The following DGKB variants were observed in gnomAD, a reference collection of about 807,000 sequenced individuals.
DGKB encodes diacylglycerol kinase beta, also known as 90 kDa diacylglycerol kinase.
A neutral mutation model predicts 114.3 loss-of-function variants in DGKB; 67 were observed. That is an observed-to-expected ratio of 0.59 (90% confidence interval 0.48 to 0.72). DGKB has a LOEUF of 0.72. DGKB is among the 30% of genes least tolerant of loss of function. The pLI is 0.00. For synonymous variants in DGKB, 398 were observed against 323.1 expected, an observed-to-expected ratio of 1.23 and a Z score of -2.49; for missense variants, 907 against 975.2, an observed-to-expected ratio of 0.93 and a Z score of 0.93.
intron 2 of DGKB, among the ~76,000 whole-genome samples, chr7:14,769,128 A>AAG (rs1836953295): frequency 2.3e-5 from 2 of 87,280 alleles, no homozygotes; most frequent in Non-Finnish European, 4.0e-5. Context: ...AAAGAAAGAG[A>AAG]GAGAGAGAAA....
chr7:14,386,793 G>A (rs1009476962), intron 21 of DGKB, among the ~76,000 whole-genome samples: 11 of 152,032 alleles, frequency 7.2e-5, no homozygotes, highest in Admixed American at 2.0e-4. Flanking sequence ...TTCTGAGGGT[G>A]GGTGGCAGAA....
intron 25 of DGKB, among the ~76,000 whole-genome samples, chr7:14,170,022 T>C (rs1272788904): frequency 1.3e-5 from 2 of 150,874 alleles, no homozygotes; most frequent in African/African-American, 4.9e-5. Flanking sequence ...TAATCCCAGC[T>C]ACTTGGGAGG....
chr7:14,279,034 C>T (rs993571322), intron 23 of DGKB, among the ~76,000 whole-genome samples: 2 of 152,090 alleles, frequency 1.3e-5, no homozygotes, highest in South Asian at 2.1e-4. Context: ...GCACCGTGAG[C>T]GAGCCGAAGC....
chr7:14,599,898 G>C (rs972006478), intron 17 of DGKB, among the ~76,000 whole-genome samples: 4 of 152,086 alleles, frequency 2.6e-5, no homozygotes, highest in African/African-American at 9.7e-5. Flanking sequence ...AACAGTAAAT[G>C]GGAGGATATT....
At chr7:14,557,330 G>A (rs1458670507) in intron 20 of DGKB, among the ~76,000 whole-genome samples, 1 of 152,080 alleles carries the variant, frequency 6.6e-6, no homozygotes, top group Non-Finnish European at 1.5e-5. Context: ...TTCCATAGCT[G>A]TGGCTATGTC....
intron 20 of DGKB, among the ~76,000 whole-genome samples, chr7:14,572,051 GCAAA>G (rs1213597932): frequency 6.6e-6 from 1 of 152,096 alleles, no homozygotes; most frequent in Non-Finnish European, 1.5e-5. Flanking sequence ...GAAATAACAA[GCAAA>G]CAAACAAGGT....
chr7:14,863,971 T>C (rs1027383003), intron 1 of DGKB, among the ~76,000 whole-genome samples: 2 of 151,724 alleles, frequency 1.3e-5, no homozygotes, highest in Admixed American at 1.3e-4. Context: ...TGGTGGCACA[T>C]GCCTGTAATC....
chr7:14,743,041 CACA>C (rs1832783693), intron 4 of DGKB, among the ~76,000 whole-genome samples: 1 of 152,012 alleles, frequency 6.6e-6, no homozygotes, highest in African/African-American at 2.4e-5. Flanking sequence ...GAAATAAAAG[CACA>C]ACAAGGTTTT....
intron 13 of DGKB, among the ~76,000 whole-genome samples, chr7:14,641,305 TTG>T: frequency 3.3e-5 from 1 of 29,996 alleles, no homozygotes; most frequent in Non-Finnish European, 9.5e-5. Flanking sequence ...ATATAGGGAT[TTG>T]GTTTACAATA....
intron 21 of DGKB, among the ~76,000 whole-genome samples, chr7:14,449,039 C>A (rs1334252436): frequency 6.6e-6 from 1 of 152,052 alleles, no homozygotes; most frequent in Non-Finnish European, 1.5e-5. Flanking sequence ...GAACTCACAA[C>A]TACATATAAA....
intron 21 of DGKB, among the ~76,000 whole-genome samples, chr7:14,410,265 TCTTC>T (rs1824652320): frequency 1.3e-5 from 2 of 151,694 alleles, no homozygotes; most frequent in African/African-American, 4.8e-5. Context: ...CTTTTTATAA[TCTTC>T]CTTCAGATAA....
chr7:14,154,686 A>T (rs1431307285), intron 25 of DGKB, among the ~76,000 whole-genome samples: 1 of 127,074 alleles, frequency 7.9e-6, no homozygotes, highest in African/African-American at 3.5e-5. Flanking sequence ...ACTAATCCAT[A>T]AAAAAAAAAC....
intron 1 of DGKB, among the ~76,000 whole-genome samples, chr7:14,913,843 A>T (rs546864736): frequency 6.6e-6 from 1 of 152,252 alleles, no homozygotes; most frequent in South Asian, 2.1e-4. Context: ...CTAATCAATA[A>T]CTTTTCTTAG....
chr7:14,483,337 G>T (rs900182319), intron 20 of DGKB, among the ~76,000 whole-genome samples: 17 of 152,156 alleles, frequency 1.1e-4, no homozygotes, highest in African/African-American at 4.1e-4. Flanking sequence ...ACTTTAACAT[G>T]TCCACAAATG....
At chr7:14,758,192 T>G (rs1273216703) in intron 2 of DGKB, among the ~76,000 whole-genome samples, 1 of 152,094 alleles carries the variant, frequency 6.6e-6, no homozygotes, top group Non-Finnish European at 1.5e-5. Flanking sequence ...ATGTATAAAT[T>G]AAAGCTTACC....
At chr7:14,418,885 G>GCATT (rs1298739213) in intron 21 of DGKB, among the ~76,000 whole-genome samples, 1 of 151,846 alleles carries the variant, frequency 6.6e-6, no homozygotes. Context: ...CACACAGAAG[G>GCATT]CATTCAGTAA....
At chr7:14,551,067 A>G (rs1795033244) in intron 20 of DGKB, among the ~76,000 whole-genome samples, 1 of 151,894 alleles carries the variant, frequency 6.6e-6, no homozygotes, top group Non-Finnish European at 1.5e-5. Flanking sequence ...TCTGTTAACT[A>G]TTTCCACTAA....
chr7:14,215,901 C>T (rs1401644974), intron 23 of DGKB, among the ~76,000 whole-genome samples: 1 of 152,144 alleles, frequency 6.6e-6, no homozygotes, highest in Non-Finnish European at 1.5e-5. Context: ...GCATGTTTCT[C>T]TCTGTATGTT....
At chr7:14,178,866 C>G (rs1782220268) in intron 23 of DGKB, among the ~76,000 whole-genome samples, 1 of 151,774 alleles carries the variant, frequency 6.6e-6, no homozygotes, top group Non-Finnish European at 1.5e-5. Flanking sequence ...AGAGTTGTCG[C>G]TTGTTGAGTA....
Sources: allele counts gnomAD v4.1 joint callset (sites outside exome capture counted in the v4.1 genomes callset), GRCh38; gene constraint gnomAD v4.1.1; transcripts MANE v1.5; gene names NCBI Gene and HGNC (gene_info 2026-07-23, HGNC 2026-07-21).